The following ZMYM2 variants were observed in gnomAD, a reference collection of about 807,000 sequenced individuals.
ZMYM2 encodes the protein zinc finger MYM-type protein 2.
A neutral mutation model predicts 162.8 loss-of-function variants in ZMYM2; 56 were observed. The ratio of observed to expected loss-of-function variants is 0.34; its 90% CI spans 0.28 to 0.43. The LOEUF is 0.43. Among genes scored for constraint, ZMYM2 ranks in the 20% least tolerant of loss-of-function variants. ZMYM2 has a pLI of 1.00. For synonymous variants in ZMYM2, 510 were observed against 541.6 expected (o/e 0.94, Z 0.81); for missense variants, 1,275 against 1,621.8 (o/e 0.79, Z 3.67).
At chr13:19,954,222 G>A (rs574821770), upstream of ZMYM2, among the ~76,000 whole-genome samples, 6 of 139,290 alleles carry the variant, frequency 4.3e-5, no homozygotes, top group East Asian at 2.2e-4. Context: ...TCCGCCTTCC[G>A]GGTTCACGTC....
intron 21 of ZMYM2, among the ~76,000 whole-genome samples, chr13:20,076,498 A>G (rs1052817626): frequency 2.0e-5 from 3 of 150,146 alleles, no homozygotes; most frequent in Non-Finnish European, 4.4e-5. Context: ...TTTATTGACC[A>G]TTTGCTTTTC....
chr13:20,040,803 T>C (rs1954181067), intron 12 of ZMYM2, among the ~76,000 whole-genome samples: 1 of 152,244 alleles, frequency 6.6e-6, no homozygotes, highest in Non-Finnish European at 1.5e-5. Flanking sequence ...GTACGTTGTA[T>C]CTTTGTTCTT....
chr13:19,973,402 G>A (rs1956497521), intron 2 of ZMYM2, among the ~76,000 whole-genome samples: 1 of 152,016 alleles, frequency 6.6e-6, no homozygotes, highest in Non-Finnish European at 1.5e-5. Context: ...CGGGCGTGGT[G>A]GTTTCTGCCT....
rs1238733222 is a variant in ZMYM2, at chr13:20,082,962, T to C, written c.3750T>C (p.Asn1250=). 4.3e-6 allele frequency: 7 copies of C among 1,613,822 alleles called. No individual in the cohort carries two copies. Among genetic ancestry groups the C allele is most frequent in the East Asian group, 2.2e-5 (1 of 44,874 alleles). The change falls in exon 23 of 25, where the codon AAT becomes AAC. Residue 1250 remains asparagine, a synonymous_variant. Transcript: ENST00000610343. The stretch of plus-strand genomic sequence containing the variant: ...CTGTGTTTAGGCATTGGAAAAAAAA[T>C]CCTTTAACGATGGAAAACAAAGCGT... The part of the protein sequence containing the change: ...FGTVFRHWKK[N]PLTMENKACL...
rs201534219 is a variant in ZMYM2, at chr13:20,086,258, ATGTT to A, written c.*248_*251del. On this transcript the variant is annotated 3_prime_UTR_variant, in exon 25 of 25. Transcript: ENST00000610343. ...TTTATTATTATTTATTTGATTAGGT[ATGTT>A]TGTAACTTTTTACATTACAGAATAT... is the stretch of plus-strand genomic sequence containing the variant. The A allele has an allele frequency of 1.2e-4, 38 of 316,918 alleles. No homozygotes were observed. In the East Asian group the frequency reaches 1.8e-3, roughly 15 times the overall value. 19.6% of individuals were successfully genotyped at this position (316,918 alleles called of 1,614,324 possible).
intron 14 of ZMYM2, among the ~76,000 whole-genome samples, chr13:20,054,134 T>G (rs1955597987): frequency 6.6e-6 from 1 of 152,232 alleles, no homozygotes; most frequent in Non-Finnish European, 1.5e-5. Flanking sequence ...CTTTGTAAGC[T>G]TTTGGAATCT....
the ZMYM2 span, among the ~76,000 whole-genome samples, chr13:19,869,186 C>T: frequency 6.6e-6 from 1 of 152,122 alleles, no homozygotes; most frequent in Non-Finnish European, 1.5e-5. Context: ...AGAGAAATTC[C>T]AACTTACTAT....
At chr13:20,075,570 A>G (rs967248936) in intron 21 of ZMYM2, among the ~76,000 whole-genome samples, 1 of 152,114 alleles carries the variant, frequency 6.6e-6, no homozygotes, top group Admixed American at 6.5e-5. Context: ...TCCTACGATA[A>G]CCATCATTAA....
the ZMYM2 span, among the ~76,000 whole-genome samples, chr13:19,941,758 C>T: frequency 3.4e-5 from 3 of 89,004 alleles, no homozygotes; most frequent in Non-Finnish European, 6.1e-5. Flanking sequence ...GAGGGCTGAG[C>T]GTGGGGGTGG....
chr13:20,002,309 A>AT (rs765168911), intron 3 of ZMYM2, among the ~76,000 whole-genome samples: 2 of 152,112 alleles, frequency 1.3e-5, no homozygotes, highest in African/African-American at 2.4e-5. Flanking sequence ...AACTAGTGAC[A>AT]TTTTTTAATA....
intron 21 of ZMYM2, among the ~76,000 whole-genome samples, chr13:20,076,744 G>A (rs1040550256): frequency 1.1e-4 from 16 of 150,630 alleles, no homozygotes; most frequent in Admixed American, 2.0e-4. Context: ...ATGTAAATGG[G>A]TAGTTTTCAA....
At chr13:19,914,057 G>C in the ZMYM2 span, among the ~76,000 whole-genome samples, 1 of 152,212 alleles carries the variant, frequency 6.6e-6, no homozygotes. Flanking sequence ...GTTAGAAGGA[G>C]AAATGGCCAG....
the ZMYM2 span, among the ~76,000 whole-genome samples, chr13:19,944,703 TC>T: frequency 6.6e-6 from 1 of 152,108 alleles, no homozygotes; most frequent in Non-Finnish European, 1.5e-5. Flanking sequence ...GGAGTCTCAC[TC>T]TGTTGCCCAG....
chr13:19,924,887 T>TG, the ZMYM2 span, among the ~76,000 whole-genome samples: 1 of 151,588 alleles, frequency 6.6e-6, no homozygotes, highest in African/African-American at 2.4e-5. Flanking sequence ...ACTTTTTTTT[T>TG]TTTTTTTTGT....
the ZMYM2 span, among the ~76,000 whole-genome samples, chr13:19,924,321 T>C: frequency 6.6e-6 from 1 of 152,180 alleles, no homozygotes; most frequent in South Asian, 2.1e-4. Flanking sequence ...TCCCAGCACG[T>C]TGGGAGCTGA....
chr13:20,030,640 C>T (rs933705088), intron 9 of ZMYM2, among the ~76,000 whole-genome samples: 6 of 152,038 alleles, frequency 3.9e-5, no homozygotes, highest in East Asian at 1.9e-4. Flanking sequence ...CTTCGTGATC[C>T]GCCCGCCTTG....
At chr13:19,875,333 AAAT>A in the ZMYM2 span, among the ~76,000 whole-genome samples, 3 of 152,136 alleles carry the variant, frequency 2.0e-5, no homozygotes, top group African/African-American at 7.2e-5. Flanking sequence ...CAGCCATAAA[AAAT>A]AATGACACTA....
chr13:19,932,643 C>T, the ZMYM2 span, among the ~76,000 whole-genome samples: 1 of 150,796 alleles, frequency 6.6e-6, no homozygotes, highest in Non-Finnish European at 1.5e-5. Flanking sequence ...GAGAATTCAT[C>T]TCCAAAAAAA....
chr13:20,051,245 G>C (rs560535656), intron 12 of ZMYM2, among the ~76,000 whole-genome samples, 188 bp from the exon 13 acceptor site: 102 of 86,162 alleles, frequency 1.2e-3, no homozygotes, highest in African/African-American at 3.9e-3. Context: ...TTTGTCAACT[G>C]TGAAATTGTA....
Sources: gnomAD v4.1 joint callset for allele counts (sites outside exome capture counted in the v4.1 genomes callset) on GRCh38, gnomAD v4.1.1 for gene constraint, MANE v1.5 for transcripts, NCBI Gene and HGNC (gene_info 2026-07-23, HGNC 2026-07-21) for gene names.